Variants in FECH observed in about 807,000 individuals in gnomAD.
The protein encoded by FECH is ferrochelatase, mitochondrial.
A neutral mutation model predicts 56.9 loss-of-function variants in FECH; 40 were observed. That is an observed-to-expected ratio of 0.70 (90% CI 0.55 to 0.92). The LOEUF (loss-of-function observed/expected upper bound fraction) is 0.92, where lower values mean the gene tolerates loss of function less well. Ranked by LOEUF, FECH falls within the 40% of genes least tolerant of loss-of-function variation. The pLI is 0.00. For synonymous variants in FECH, 175 were observed against 198.6 expected (o/e 0.88, Z 1.00); for missense variants, 431 against 529.1 (o/e 0.81, Z 1.82).
Position 57,554,304 on chromosome 18 carries a change from G to GCGTT in FECH, c.1029_1032dup (p.Leu345AsnfsTer4). 6.2e-7 allele frequency: 1 copy of GCGTT among 1,614,250 alleles called. No individual in the cohort carries two copies. The highest frequency in any genetic ancestry group is 8.5e-7 in the Non-Finnish European group (1 of 1,180,038). On this transcript the variant is annotated frameshift_variant, in exon 9 of 11. Transcript: ENST00000262093. LOFTEE classifies it high-confidence loss of function. ...GAGTACTCGATGTCCAGCTCATACAGCGTTTCAATATGGTCACTGGTAAAT... is the reference window on the plus strand; with the variant it reads ...GAGTACTCGATGTCCAGCTCATACAGCGTTCGTTTCAATATGGTCACTGGTAAAT...
At chr18:57,561,772 A>AC (rs1392549285) in intron 6 of FECH, among the ~76,000 whole-genome samples, 1 of 152,010 alleles carries the variant, frequency 6.6e-6, no homozygotes, top group Non-Finnish European at 1.5e-5. Context: ...CTGACCTGAA[A>AC]CCCCCCTCCT....
intron 2 of FECH, among the ~76,000 whole-genome samples, chr18:57,574,228 A>G (rs2051154658): frequency 6.6e-6 from 1 of 152,154 alleles, no homozygotes. Context: ...TCCTGACGTC[A>G]GGAGCCTGCC....
chr18:57,573,465 A>T, intron 2 of FECH, 100 bp from the exon 3 acceptor site: 3 of 1,394,412 alleles, frequency 2.2e-6, no homozygotes, highest in Non-Finnish European at 3.0e-6. Flanking sequence ...GTTCCATACA[A>T]AGGTAAATAC....
chr18:57,569,999 A>G (rs2051073608), intron 4 of FECH, among the ~76,000 whole-genome samples: 1 of 138,434 alleles, frequency 7.2e-6, no homozygotes, highest in Non-Finnish European at 1.6e-5. Flanking sequence ...ATGTCTGACT[A>G]GTTGTTGTTG....
chr18:57,546,870 T>C lies in FECH; in HGVS notation c.*3842A>G, dbSNP rs2050727156. The stretch of plus-strand genomic sequence containing the variant: ...AGCTACTCCGGAGGCTGAGGCAGGA[T>C]GATCCTTTGAACCCAAGAGGCGGAG... On this transcript the variant is annotated 3_prime_UTR_variant, in exon 11 of 11. Coordinates refer to ENST00000262093, the MANE Select transcript of FECH (RefSeq NM_000140.5). Among the ~76,000 whole-genome samples, 1 of 150,830 alleles carries C rather than the reference T, an allele frequency of 6.6e-6. No individual in the cohort carries two copies. Among genetic ancestry groups the C allele is most frequent in the Admixed American group, 6.6e-5 (1 of 15,106 alleles).
chr18:57,570,771 T>C (rs982008141), intron 4 of FECH, among the ~76,000 whole-genome samples: 2 of 152,244 alleles, frequency 1.3e-5, no homozygotes, highest in Admixed American at 6.5e-5. Context: ...ATGTGTTTAA[T>C]ACAGCATTTT....
In FECH at chr18:57,550,574, C is replaced by T. The variant is rs1013825243; in HGVS notation, c.*138G>A. The T allele has an allele frequency of 1.9e-6, 2 of 1,068,778 alleles. No homozygotes were observed. Among genetic ancestry groups the T allele is most frequent in the South Asian group, 3.0e-5 (2 of 66,708 alleles). The allele number at this position is 1,068,778 out of a possible 1,614,324, so 66.2% of individuals were successfully genotyped here. A position where few individuals can be genotyped will look rare whatever the true frequency, so the allele number is the denominator to read the frequency against. On this transcript the variant is annotated 3_prime_UTR_variant, in exon 11 of 11. Transcript: ENST00000262093. ...CAAGAGTCCAATCCTCAAGAAACCACACAATTTGTACCCAAAGGCTGTATA... is the reference window on the plus strand; with the variant it reads ...CAAGAGTCCAATCCTCAAGAAACCATACAATTTGTACCCAAAGGCTGTATA...
intron 10 of FECH, 35 bp from the exon 11 acceptor site, chr18:57,550,881 A>G: frequency 2.5e-6 from 4 of 1,612,238 alleles, no homozygotes; most frequent in Non-Finnish European, 3.4e-6. Context: ...ACGCATGAGA[A>G]GCACAGGGTC....
At chr18:57,576,109 T>A (rs1599009568) in intron 2 of FECH, among the ~76,000 whole-genome samples, 2 of 152,306 alleles carry the variant, frequency 1.3e-5, no homozygotes, top group South Asian at 2.1e-4. Context: ...GCAGCATACC[T>A]GGCCTCTACC....
Position 57,550,400 on chromosome 18 carries a change from A to T in FECH, c.*312T>A. The T allele has an allele frequency of 3.0e-6, 1 of 335,868 alleles. No individual in the cohort carries two copies. Among genetic ancestry groups the T allele is most frequent in the Non-Finnish European group, 5.7e-6 (1 of 176,698 alleles). The allele number at this position is 335,868 out of a possible 1,614,324, so 20.8% of individuals were successfully genotyped here. A position where few individuals can be genotyped will look rare whatever the true frequency, so the allele number is the denominator to read the frequency against. ...CAGGAGGGTTTTGGGCAATAAAGCC[A>T]AAATCTGTACTTAAATAGGTGTGTC... is the stretch of plus-strand genomic sequence containing the variant. On this transcript the variant is annotated 3_prime_UTR_variant, in exon 11 of 11. Transcript: ENST00000262093.
At position 57,549,369 on chromosome 18, in the gene FECH, A is replaced by G. The variant is rs1156472286; in HGVS notation, c.*1343T>C. On this transcript the variant is annotated 3_prime_UTR_variant, in exon 11 of 11. Transcript: ENST00000262093. Reference sequence around the variant, plus strand: ...GTTGTAATATTTATTAACATAGCCAATTCTCAATATAGAAGATTTATGAAT... The same window carrying G: ...GTTGTAATATTTATTAACATAGCCAGTTCTCAATATAGAAGATTTATGAAT... 1 of 150,966 alleles carries G rather than the reference A, an allele frequency of 6.6e-6. No homozygotes were observed. Among genetic ancestry groups the G allele is most frequent in the African/African-American group, 2.4e-5 (1 of 41,110 alleles). 9.4% of individuals were successfully genotyped at this position (150,966 alleles called of 1,614,324 possible). A position where few individuals can be genotyped will look rare whatever the true frequency, so the allele number is the denominator to read the frequency against.
At chr18:57,570,335 G>C (rs1160453351) in intron 4 of FECH, among the ~76,000 whole-genome samples, 1 of 152,188 alleles carries the variant, frequency 6.6e-6, no homozygotes, top group Non-Finnish European at 1.5e-5. Flanking sequence ...TTGAGCCACA[G>C]CTTTAAGCAG....
At chr18:57,562,728 A>G in intron 6 of FECH, 146 bp downstream of exon 6, 2 of 660,910 alleles carry the variant, frequency 3.0e-6, no homozygotes, top group Non-Finnish European at 5.4e-6. Context: ...ATAAATCAAG[A>G]ATATAATACT....
chr18:57,560,338 G>A (rs2050927887), intron 6 of FECH, among the ~76,000 whole-genome samples: 4 of 152,232 alleles, frequency 2.6e-5, no homozygotes, highest in Non-Finnish European at 5.9e-5. Flanking sequence ...GATAAAGCAA[G>A]TGGGATATAC....
rs2050703446 is a variant in FECH at position 57,545,144 on chromosome 18, A to G, written c.*5568T>C. ...GTTCCCATTTCAGGAGCAGGCTAAG[A>G]GTGTGTTTCTGGAAACAAAACTGTC... On this transcript the variant is annotated 3_prime_UTR_variant, in exon 11 of 11. Transcript: ENST00000262093. Among the ~76,000 whole-genome samples the G allele has an allele frequency of 6.6e-6, 1 of 152,224 alleles. No homozygotes were observed. The highest frequency in any genetic ancestry group is 2.4e-5 in the African/African-American group (1 of 41,462).
chr18:57,544,870 T>G lies in FECH; in HGVS notation c.*5842A>C, dbSNP rs2050699804. On this transcript the variant is annotated 3_prime_UTR_variant, in exon 11 of 11. Coordinates refer to ENST00000262093, the MANE Select transcript of FECH (RefSeq NM_000140.5). ...TTTAGAATGTTACCTTTGTTTTTAA[T>G]ATAACTTAATTTGAAAGATATTATT... Among the ~76,000 whole-genome samples, 1 of 152,254 alleles carries G rather than the reference T, an allele frequency of 6.6e-6. No individual in the cohort carries two copies. The highest frequency in any genetic ancestry group is 1.5e-5 in the Non-Finnish European group (1 of 68,042).
intron 2 of FECH, among the ~76,000 whole-genome samples, chr18:57,574,983 C>T (rs988912698): frequency 1.3e-5 from 2 of 152,162 alleles, no homozygotes; most frequent in Non-Finnish European, 2.9e-5. Flanking sequence ...AAAGCCACTC[C>T]CTGTTCCCTC....
chr18:57,586,657 C>A lies in FECH; in HGVS notation c.-37G>T. Reference sequence around the variant, plus strand: ...CCTCGGCCCGAGTCCGGGCTCCTCCCGCGGCGGCGCGCCCAGGTGTCCGCC... The same window carrying A: ...CCTCGGCCCGAGTCCGGGCTCCTCCAGCGGCGGCGCGCCCAGGTGTCCGCC... On this transcript the variant is annotated 5_prime_UTR_variant, in exon 1 of 11. Coordinates refer to ENST00000262093, the MANE Select transcript of FECH (RefSeq NM_000140.5). The A allele has an allele frequency of 1.3e-6, 2 of 1,484,778 alleles. No homozygotes were observed. Among genetic ancestry groups the A allele is most frequent in the Non-Finnish European group, 1.8e-6 (2 of 1,122,704 alleles). The allele number at this position is 1,484,778 out of a possible 1,614,324, so 92.0% of individuals were successfully genotyped here.
chr18:57,584,972 C>G (rs768511072), intron 1 of FECH, among the ~76,000 whole-genome samples: 1 of 149,264 alleles, frequency 6.7e-6, no homozygotes, highest in Non-Finnish European at 1.5e-5. Flanking sequence ...GATGGCACCA[C>G]CGTACACCAG....
Sources: gnomAD v4.1 joint callset for allele counts (sites outside exome capture counted in the v4.1 genomes callset) on GRCh38, gnomAD v4.1.1 for gene constraint, MANE v1.5 for transcripts, NCBI Gene and HGNC (gene_info 2026-07-23, HGNC 2026-07-21) for gene names.